LMO7: variants seen among roughly 807,000 people sequenced by gnomAD.
The protein encoded by LMO7 is LIM domain only protein 7.
LMO7 carries 120 observed loss-of-function variants against 206.5 expected under a neutral mutation model. That is an observed-to-expected ratio of 0.58 (90% CI 0.50 to 0.68). LMO7 has a LOEUF of 0.68. Among genes scored for constraint, LMO7 ranks in the 30% least tolerant of loss-of-function variants. The pLI, the probability that LMO7 is intolerant of heterozygous loss-of-function variation, is 0.00. For missense variants in LMO7, 1,959 were observed against 1,957.9 expected, an observed-to-expected ratio of 1.00 and a Z score of -0.01; for synonymous variants, 706 against 681.5, an observed-to-expected ratio of 1.04 and a Z score of -0.56.
chr13:75,689,570 C>T (rs549491680), intron 1 of LMO7, among the ~76,000 whole-genome samples: 1 of 152,204 alleles, frequency 6.6e-6, no homozygotes. Context: ...ACAGACCCAC[C>T]CTCAATCTGG....
At chr13:75,790,231 C>T (rs1211263992) in intron 4 of LMO7, among the ~76,000 whole-genome samples, 1 of 152,152 alleles carries the variant, frequency 6.6e-6, no homozygotes, top group African/African-American at 2.4e-5. Flanking sequence ...AGCCACTGCC[C>T]TGTCCCCTAG....
intron 1 of LMO7, among the ~76,000 whole-genome samples, chr13:75,692,099 G>A (rs1255693586): frequency 1.3e-5 from 2 of 152,124 alleles, no homozygotes; most frequent in African/African-American, 4.8e-5. Flanking sequence ...GCCTCCTCCT[G>A]CATTATGTAG....
At chr13:75,824,008 T>A (rs760007735) in intron 15 of LMO7, 135 bp downstream of exon 15, 2 of 700,932 alleles carry the variant, frequency 2.9e-6, no homozygotes, top group African/African-American at 1.8e-5. Flanking sequence ...CTGGTTTACT[T>A]TGAACAGATC....
At position 75,720,538 on chromosome 13, in the gene LMO7, G is replaced by A. The variant is rs1023761604; in HGVS notation, c.141-6491G>A. Among the ~76,000 whole-genome samples the A allele has an allele frequency of 3.9e-5, 6 of 152,112 alleles. No individual in the cohort carries two copies. In the East Asian group the frequency reaches 7.7e-4, roughly 19 times the overall value. Reference sequence around the variant, plus strand: ...GGTGTAAGGTCTGTGTCTAAATGCCGTTTGCCTTTGATGTGACATTGGGAA... The same window carrying A: ...GGTGTAAGGTCTGTGTCTAAATGCCATTTGCCTTTGATGTGACATTGGGAA... On this transcript the variant is annotated intron_variant, in intron 2 of 30. Coordinates refer to ENST00000377534, the MANE Select transcript of LMO7 (RefSeq NM_001306080.2).
At chr13:75,830,868 C>G (rs1007331272) in intron 15 of LMO7, among the ~76,000 whole-genome samples, 1 of 152,150 alleles carries the variant, frequency 6.6e-6, no homozygotes, top group Non-Finnish European at 1.5e-5. Flanking sequence ...TATTAAGACT[C>G]CATCCTGTCT....
intron 20 of LMO7, chr13:75,838,470 AAAAAG>A: frequency 5.3e-6 from 4 of 750,198 alleles, no homozygotes; most frequent in Admixed American, 6.7e-5. Context: ...AAAAAAAAAA[AAAAAG>A]GGAGATGCTC....
At chr13:75,745,380 G>A (rs1452382367) in intron 3 of LMO7, among the ~76,000 whole-genome samples, 1 of 152,166 alleles carries the variant, frequency 6.6e-6, no homozygotes. Context: ...ATGTTGAATT[G>A]TACACAAATG....
intron 6 of LMO7, among the ~76,000 whole-genome samples, chr13:75,798,368 C>CA (rs1248098925): frequency 1.3e-5 from 2 of 152,094 alleles, no homozygotes; most frequent in African/African-American, 2.4e-5. Context: ...AACAAACAAA[C>CA]AAAAAACCAT....
At chr13:75,756,526 A>G (rs1364342723) in intron 3 of LMO7, among the ~76,000 whole-genome samples, 3 of 152,130 alleles carry the variant, frequency 2.0e-5, no homozygotes, top group African/African-American at 7.2e-5. Context: ...AAAACCATGA[A>G]GTATTACCTG....
At chr13:75,851,496 C>A (rs1438224969) in intron 27 of LMO7, among the ~76,000 whole-genome samples, 1 of 152,174 alleles carries the variant, frequency 6.6e-6, no homozygotes, top group African/African-American at 2.4e-5. Context: ...CTTTTCTTCT[C>A]CCTCAGATGC....
In LMO7 at chr13:75,823,627, G is replaced by C. The variant is rs2057818604; in HGVS notation, c.2703G>C (p.Val901=). ...ACATTAAGAGAACTCCAAACAATGT[G>C]GTCAGCACCCCTGCACCAAGCCCGG... ...VEDIKRTPNN[V]VSTPAPSPDA... is the part of the protein sequence containing the mutation. The change falls in exon 15 of 31, where the codon GTG becomes GTC. Residue 901 remains valine (V), a synonymous_variant. Transcript: ENST00000377534. The C allele has an allele frequency of 6.2e-7, 1 of 1,614,018 alleles. No individual in the cohort carries two copies. Among genetic ancestry groups the C allele is most frequent in the African/African-American group, 1.3e-5 (1 of 75,030 alleles).
rs780112310 is a variant in LMO7, at chr13:75,849,267, G to A, written c.4339G>A (p.Val1447Ile). Residue 1447 changes from valine (V) to isoleucine (I), a missense_variant, in exon 27 of 31, where the codon GTT (valine) becomes ATT (isoleucine). Physicochemically the swap from Val to Ile is conservative, Grantham distance 29. Coordinates refer to ENST00000377534, the MANE Select transcript of LMO7 (RefSeq NM_001306080.2). ...CAGTGCCAGTGTCAACAAAGAGCCT[G>A]TTAGTCTTCCTGGGATCATGAGAAG... is the stretch of plus-strand genomic sequence containing the variant. ...QRSASVNKEP[V>I]SLPGIMRRGE... 7 of 1,614,044 alleles carry A rather than the reference G, an allele frequency of 4.3e-6. No individual in the cohort carries two copies. Among genetic ancestry groups the A allele is most frequent in the Middle Eastern group, 1.6e-4 (1 of 6,062 alleles).
Position 75,629,771 on chromosome 13 carries a change from C to T in LMO7, c.225+6451C>T, listed in dbSNP as rs115251920. 3.0e-3 allele frequency among the ~76,000 whole-genome samples: 461 copies of T among 152,156 alleles called. 2 individuals carry two copies. Among genetic ancestry groups the T allele is most frequent in the African/African-American group, 0.01 (435 of 41,474 alleles). On this transcript the variant is annotated intron_variant, in intron 2 of 29. Coordinates refer to the LMO7 transcript ENST00000341547. ...TCACTGTTTCTGAAATCTAGCTGAG[C>T]GCTAATGAGAGACTTAACTAAGGTA...
chr13:75,727,483 T>C (rs2138611086), intron 3 of LMO7, among the ~76,000 whole-genome samples: 1 of 152,138 alleles, frequency 6.6e-6, no homozygotes, highest in South Asian at 2.1e-4. Context: ...GAATACCTTC[T>C]ACCTCAGATC....
intron 3 of LMO7, among the ~76,000 whole-genome samples, chr13:75,752,197 T>A (rs1040835732): frequency 6.6e-6 from 1 of 152,116 alleles, no homozygotes; most frequent in African/African-American, 2.4e-5. Flanking sequence ...AATGGCGTGA[T>A]CTTGGCTCAC....
intron 1 of LMO7, among the ~76,000 whole-genome samples, chr13:75,698,143 A>G (rs1223324817): frequency 6.6e-6 from 1 of 152,234 alleles, no homozygotes; most frequent in Non-Finnish European, 1.5e-5. Flanking sequence ...TAATGCAAAG[A>G]TGAAACACTT....
chr13:75,740,726 G>C (rs540314040), intron 3 of LMO7, among the ~76,000 whole-genome samples: 2 of 152,254 alleles, frequency 1.3e-5, no homozygotes, highest in Admixed American at 1.3e-4. Context: ...ACTAACAGCA[G>C]CATTGGTACT....
At chr13:75,694,476 A>T (rs2041752655) in intron 1 of LMO7, among the ~76,000 whole-genome samples, 1 of 152,186 alleles carries the variant, frequency 6.6e-6, no homozygotes, top group African/African-American at 2.4e-5. Flanking sequence ...TTGATTTTTA[A>T]GGAAGAATAC....
At chr13:75,737,772 T>TGA (rs1297459603) in intron 3 of LMO7, among the ~76,000 whole-genome samples, 19 of 5,814 alleles carry the variant, frequency 3.3e-3, no homozygotes, top group African/African-American at 6.9e-3. Context: ...AAAAATAAAA[T>TGA]AAAATAAAAT....
Sources: allele counts gnomAD v4.1 joint callset (sites outside exome capture counted in the v4.1 genomes callset), GRCh38; gene constraint gnomAD v4.1.1; transcripts MANE v1.5; gene names NCBI Gene and HGNC (gene_info 2026-07-23, HGNC 2026-07-21).